The following SPIDR variants were observed in gnomAD, a reference collection of about 807,000 sequenced individuals.
SPIDR encodes the protein scaffold protein involved in DNA repair, also known as DNA repair-scaffolding protein.
SPIDR carries 93 observed loss-of-function variants against 104.6 expected under a neutral mutation model. The ratio of observed to expected loss-of-function variants is 0.89; its 90% confidence interval spans 0.75 to 1.06. The LOEUF is 1.06. Among genes scored for constraint, SPIDR ranks in the 50% least tolerant of loss-of-function variants. SPIDR has a pLI of 0.00. For synonymous variants in SPIDR, 431 were observed against 416.9 expected (o/e 1.03, Z -0.41); for missense variants, 1,154 against 1,111.2 (o/e 1.04, Z -0.55).
At chr8:47,498,779 C>A (rs1173297926) in intron 8 of SPIDR, among the ~76,000 whole-genome samples, 1 of 152,128 alleles carries the variant, frequency 6.6e-6, no homozygotes, top group East Asian at 1.9e-4. Flanking sequence ...ACTCCATTGT[C>A]TTTGCTATAA....
At chr8:47,518,220 A>G (rs988251303) in intron 8 of SPIDR, among the ~76,000 whole-genome samples, 1 of 152,224 alleles carries the variant, frequency 6.6e-6, no homozygotes, top group African/African-American at 2.4e-5. Context: ...CTCATGCTAG[A>G]CATGCAGGCA....
chr8:47,625,538 G>A (rs567984059), intron 10 of SPIDR, among the ~76,000 whole-genome samples: 12 of 152,284 alleles, frequency 7.9e-5, no homozygotes, highest in African/African-American at 1.4e-4. Context: ...CTTCAGCAAA[G>A]TCTCAGGATA....
intron 2 of SPIDR, among the ~76,000 whole-genome samples, chr8:47,281,432 G>A (rs1344921438): frequency 6.6e-6 from 1 of 152,186 alleles, no homozygotes; most frequent in African/African-American, 2.4e-5. Context: ...TTCAAAATTG[G>A]ACTCAATCCT....
chr8:47,411,668 A>G (rs1358434630), intron 7 of SPIDR, among the ~76,000 whole-genome samples: 12 of 152,034 alleles, frequency 7.9e-5, no homozygotes, highest in African/African-American at 2.9e-4. Flanking sequence ...ATTAGATCCC[A>G]TTTGTCAATT....
chr8:47,367,742 G>C (rs1383422689), intron 5 of SPIDR, among the ~76,000 whole-genome samples: 1 of 152,138 alleles, frequency 6.6e-6, no homozygotes, highest in Non-Finnish European at 1.5e-5. Context: ...ACCCGCCCAA[G>C]TCTTGCTCAG....
At chr8:47,283,941 G>C in intron 2 of SPIDR, 87 bp from the exon 3 acceptor site, 1 of 936,062 alleles carries the variant, frequency 1.1e-6, no homozygotes, top group Non-Finnish European at 1.7e-6. Flanking sequence ...ATGTTAAGGA[G>C]AGTGTAGTTT....
chr8:47,501,917 A>T (rs186676313), intron 8 of SPIDR, among the ~76,000 whole-genome samples: 1 of 152,144 alleles, frequency 6.6e-6, no homozygotes, highest in Admixed American at 6.6e-5. Context: ...GGTTTTTGTC[A>T]TTGGTTCTGT....
chr8:47,679,783 G>T (rs73569227), intron 11 of SPIDR, among the ~76,000 whole-genome samples: 1 of 152,328 alleles, frequency 6.6e-6, no homozygotes, highest in Non-Finnish European at 1.5e-5. Context: ...ATGCCCAGCC[G>T]CCATATTTCA....
chr8:47,370,963 T>TC (rs1279732237), intron 5 of SPIDR, among the ~76,000 whole-genome samples: 20 of 151,780 alleles, frequency 1.3e-4, no homozygotes, highest in Non-Finnish European at 2.9e-4. Flanking sequence ...TCCTCTCCCA[T>TC]CCCCCCATGC....
chr8:47,473,675 T>C (rs958705469), intron 8 of SPIDR, among the ~76,000 whole-genome samples: 1 of 152,206 alleles, frequency 6.6e-6, no homozygotes, highest in Non-Finnish European at 1.5e-5. Flanking sequence ...TTTTCTACAC[T>C]ATGAGCTTCT....
chr8:47,724,148 C>T (rs2083857682), intron 16 of SPIDR, among the ~76,000 whole-genome samples: 1 of 152,104 alleles, frequency 6.6e-6, no homozygotes, highest in South Asian at 2.1e-4. Context: ...TGCTTCCGGG[C>T]CTGTTCTACA....
intron 8 of SPIDR, among the ~76,000 whole-genome samples, chr8:47,451,583 C>G (rs1585925542): frequency 6.8e-5 from 1 of 14,780 alleles, no homozygotes; most frequent in Non-Finnish European, 2.0e-4. Flanking sequence ...CCTGCCAAAA[C>G]ACACACACAC....
intron 8 of SPIDR, among the ~76,000 whole-genome samples, chr8:47,523,898 CCT>C (rs1204555126): frequency 1.3e-5 from 2 of 152,186 alleles, no homozygotes; most frequent in Admixed American, 6.5e-5. Flanking sequence ...GAACTGCAGG[CCT>C]CTCTGTTTTC....
chr8:47,572,392 G>A (rs181836917), intron 8 of SPIDR, among the ~76,000 whole-genome samples: 9 of 152,230 alleles, frequency 5.9e-5, no homozygotes, highest in South Asian at 2.1e-4. Context: ...GGCCGGGCAC[G>A]GTGGCTCATG....
intron 16 of SPIDR, 150 bp from the exon 17 acceptor site, chr8:47,727,050 A>T: frequency 1.7e-6 from 1 of 602,028 alleles, no homozygotes; most frequent in Non-Finnish European, 3.0e-6. Context: ...AATAAGTGGA[A>T]ATTATAAAAA....
At position 47,387,871 on chromosome 8, in the gene SPIDR, CTT is replaced by C. The variant is rs1563813945; in HGVS notation, c.526-8504_526-8503del. ...GAAATCTTCAAAAGCTTTCTGCTTT[CTT>C]CAGTGATATCTAAACTGTTAAACCT... On this transcript the variant is annotated intron_variant, in intron 5 of 19. Transcript: ENST00000297423. Among the ~76,000 whole-genome samples the C allele has an allele frequency of 3.6e-3, 554 of 152,308 alleles. 8 individuals are homozygous for C. The highest frequency in any genetic ancestry group is 0.013 in the African/African-American group (524 of 41,556).
At chr8:47,438,029 A>G (rs1490099526) in intron 7 of SPIDR, among the ~76,000 whole-genome samples, 1 of 152,258 alleles carries the variant, frequency 6.6e-6, no homozygotes, top group Non-Finnish European at 1.5e-5. Context: ...GCCTGCATTT[A>G]TAAAATCTGT....
intron 11 of SPIDR, among the ~76,000 whole-genome samples, chr8:47,679,419 GC>G (rs1224138601): frequency 4.2e-5 from 2 of 47,690 alleles, no homozygotes; most frequent in Non-Finnish European, 8.8e-5. Context: ...ACCTTCCCCC[GC>G]CCCCTCCAGT....
chr8:47,488,958 C>G (rs2078181203), intron 8 of SPIDR, among the ~76,000 whole-genome samples: 1 of 152,176 alleles, frequency 6.6e-6, no homozygotes, highest in African/African-American at 2.4e-5. Context: ...GGGATGCCCT[C>G]TCTCACCACT....
Sources: gnomAD v4.1 joint callset for allele counts (sites outside exome capture counted in the v4.1 genomes callset) on GRCh38, gnomAD v4.1.1 for gene constraint, MANE v1.5 for transcripts, NCBI Gene and HGNC (gene_info 2026-07-23, HGNC 2026-07-21) for gene names.